The following BAIAP2L1 variants were observed in gnomAD, a reference collection of about 807,000 sequenced individuals.
The protein encoded by BAIAP2L1 is BAR/IMD domain-containing adapter protein 2-like 1.
Under a neutral mutation model 66.3 loss-of-function variants are expected in BAIAP2L1, and 35 were observed. The observed-to-expected ratio is 0.53, with a 90% CI of 0.40 to 0.70. BAIAP2L1 has a LOEUF of 0.70. Among genes scored for constraint, BAIAP2L1 ranks in the 30% least tolerant of loss-of-function variants. The pLI is 0.00. For synonymous variants in BAIAP2L1, 269 were observed against 248.7 expected (o/e 1.08, Z -0.77); for missense variants, 622 against 656.9 (o/e 0.95, Z 0.58).
chr7:98,381,734 C>T (rs1802763652), intron 1 of BAIAP2L1, among the ~76,000 whole-genome samples: 1 of 152,178 alleles, frequency 6.6e-6, no homozygotes, highest in South Asian at 2.1e-4. Flanking sequence ...TGGCTTCCTA[C>T]TCCCTACTCA....
At chr7:98,377,643 A>T (rs990079414) in intron 1 of BAIAP2L1, among the ~76,000 whole-genome samples, 2 of 151,304 alleles carry the variant, frequency 1.3e-5, no homozygotes, top group African/African-American at 4.9e-5. Flanking sequence ...ACATGGTGAA[A>T]CCCCATTTCT....
intron 1 of BAIAP2L1, among the ~76,000 whole-genome samples, chr7:98,400,545 G>A (rs1413209818): frequency 3.3e-5 from 4 of 119,866 alleles, no homozygotes; most frequent in African/African-American, 1.3e-4. Context: ...CAGGGAAGAA[G>A]CACAGGGAGG....
chr7:98,387,846 C>A (rs570664287), intron 1 of BAIAP2L1, among the ~76,000 whole-genome samples: 1 of 151,738 alleles, frequency 6.6e-6, no homozygotes, highest in East Asian at 1.9e-4. Flanking sequence ...CCAGCCTGGG[C>A]GACAGAGTTA....
intron 12 of BAIAP2L1, among the ~76,000 whole-genome samples, chr7:98,294,993 G>C (rs941991946): frequency 6.6e-6 from 1 of 152,342 alleles, no homozygotes; most frequent in Admixed American, 6.5e-5. Context: ...GAGTCAGGCA[G>C]CCGCCCAGGA....
chr7:98,370,131 T>G (rs1215578646), intron 1 of BAIAP2L1, among the ~76,000 whole-genome samples: 1 of 151,922 alleles, frequency 6.6e-6, no homozygotes, highest in Non-Finnish European at 1.5e-5. Context: ...AACTAAGACT[T>G]GAGACTAGGC....
intron 1 of BAIAP2L1, among the ~76,000 whole-genome samples, chr7:98,365,041 T>C (rs1802363679): frequency 7.1e-6 from 1 of 141,782 alleles, no homozygotes; most frequent in Admixed American, 7.4e-5. Flanking sequence ...CCACTGTCTT[T>C]AGCATCTGGG....
At chr7:98,359,757 T>G (rs535494266) in intron 2 of BAIAP2L1, among the ~76,000 whole-genome samples, 9 of 149,314 alleles carry the variant, frequency 6.0e-5, no homozygotes, top group Non-Finnish European at 1.3e-4. Flanking sequence ...TTTTTTTTTT[T>G]TTTTTTTTTT....
At chr7:98,363,691 G>A (rs765735109) in intron 1 of BAIAP2L1, among the ~76,000 whole-genome samples, 30 of 152,118 alleles carry the variant, frequency 2.0e-4, no homozygotes, top group Non-Finnish European at 3.7e-4. Flanking sequence ...GGAACAATAA[G>A]CTTCATGATA....
At chr7:98,356,318 A>G (rs1347250152) in intron 2 of BAIAP2L1, among the ~76,000 whole-genome samples, 2 of 152,102 alleles carry the variant, frequency 1.3e-5, no homozygotes, top group Admixed American at 6.6e-5. Context: ...AATTTTGGAG[A>G]AAAGCATTTA....
At chr7:98,353,472 T>C (rs1327785176) in intron 3 of BAIAP2L1, among the ~76,000 whole-genome samples, 2 of 136,512 alleles carry the variant, frequency 1.5e-5, no homozygotes, top group African/African-American at 5.5e-5. Context: ...ATTATAAATA[T>C]ACATATTTAC....
chr7:98,399,799 G>C (rs1471730596), intron 1 of BAIAP2L1, among the ~76,000 whole-genome samples: 1 of 152,192 alleles, frequency 6.6e-6, no homozygotes, highest in African/African-American at 2.4e-5. Flanking sequence ...TGCAAGTTAA[G>C]AGACCGGCTA....
chr7:98,298,494 T>C (rs1027838399), intron 12 of BAIAP2L1, among the ~76,000 whole-genome samples: 1 of 151,902 alleles, frequency 6.6e-6, no homozygotes, highest in African/African-American at 2.4e-5. Context: ...GCGCCTGTAG[T>C]CCCAGCTACT....
At chr7:98,363,254 C>G (rs1006430016) in intron 1 of BAIAP2L1, among the ~76,000 whole-genome samples, 3 of 151,878 alleles carry the variant, frequency 2.0e-5, no homozygotes, top group Non-Finnish European at 4.4e-5. Flanking sequence ...AGGCTGGTCT[C>G]GAACTCCTGA....
intron 3 of BAIAP2L1, among the ~76,000 whole-genome samples, chr7:98,348,585 A>G (rs1562779585): frequency 6.7e-6 from 1 of 150,322 alleles, no homozygotes; most frequent in Admixed American, 6.6e-5. Flanking sequence ...AAAAAAAAAA[A>G]AGAAAGAAAG....
At chr7:98,385,300 T>G (rs1290755796) in intron 1 of BAIAP2L1, among the ~76,000 whole-genome samples, 5 of 151,850 alleles carry the variant, frequency 3.3e-5, no homozygotes, top group Non-Finnish European at 5.9e-5. Flanking sequence ...CAGAGCGAGA[T>G]TCTGTCTCAA....
chr7:98,297,178 A>T (rs1049530154), intron 12 of BAIAP2L1, among the ~76,000 whole-genome samples: 2 of 152,218 alleles, frequency 1.3e-5, no homozygotes, highest in African/African-American at 2.4e-5. Context: ...GGGTGGACAC[A>T]TCTTGTGATC....
rs1482199272 is a variant in BAIAP2L1, at chr7:98,315,538, A to C, written c.561T>G (p.Leu187=). ...FIADGCKEAL[L]EEKRRFCFLV... is the part of the protein sequence containing the mutation. ...GAAAGCAGAAGCGCCTCTTCTCTTC[A>C]AGCAGAGCCTCTTTGCAACCATCTG... is the stretch of plus-strand genomic sequence containing the variant. Residue 187 remains leucine (L), a synonymous_variant, in exon 7 of 14, where the codon CTT becomes CTG. Transcript: ENST00000005260. 1 of 1,520,844 alleles carries C rather than the reference A, an allele frequency of 6.6e-7. No individual in the cohort carries two copies. Among genetic ancestry groups the C allele is most frequent in the Admixed American group, 1.9e-5 (1 of 52,946 alleles). 94.2% of individuals were successfully genotyped at this position (1,520,844 alleles called of 1,614,324 possible).
chr7:98,315,311 A>AATATAAAACTCT (rs2116887644), intron 7 of BAIAP2L1, 149 bp downstream of exon 7: 1 of 589,270 alleles, frequency 1.7e-6, no homozygotes, highest in Non-Finnish European at 2.5e-6. Flanking sequence ...TATTTTTTAT[A>AATATAAAACTCT]GAGACAGAGT....
At chr7:98,338,128 C>T (rs761767910) in intron 3 of BAIAP2L1, among the ~76,000 whole-genome samples, 1 of 152,078 alleles carries the variant, frequency 6.6e-6, no homozygotes, top group Non-Finnish European at 1.5e-5. Context: ...CAATCATCTT[C>T]GTTACCTTAA....
Sources: gnomAD v4.1 joint callset for allele counts (sites outside exome capture counted in the v4.1 genomes callset) on GRCh38, gnomAD v4.1.1 for gene constraint, MANE v1.5 for transcripts, NCBI Gene and HGNC (gene_info 2026-07-23, HGNC 2026-07-21) for gene names.